The following ATM variants were observed in gnomAD, a reference collection of about 807,000 sequenced individuals.
ATM encodes the protein ATM serine/threonine kinase.
In ATM, 308 loss-of-function variants were observed where a neutral mutation model predicts 387.0. The observed-to-expected ratio is 0.80, with a 90% CI of 0.73 to 0.87. ATM has a LOEUF of 0.87. ATM is among the 40% of genes least tolerant of loss of function. ATM has a pLI of 0.00. For missense variants in ATM, 3,312 were observed against 3,560.9 expected, an observed-to-expected ratio of 0.93 and a Z score of 1.78; for synonymous variants, 1,156 against 1,187.3, an observed-to-expected ratio of 0.97 and a Z score of 0.54.
intron 18 of ATM, among the ~76,000 whole-genome samples, chr11:108,270,416 T>C (rs987011042): frequency 1.3e-5 from 2 of 152,232 alleles, no homozygotes; most frequent in Non-Finnish European, 2.9e-5. Flanking sequence ...TGATCATTTA[T>C]TGAATTCCAC....
At chr11:108,225,540 C>T (rs940880009) in intron 1 of ATM, 1 of 152,184 alleles carries the variant, frequency 6.6e-6, no homozygotes, top group African/African-American at 2.4e-5. Flanking sequence ...ATTGCGTGAT[C>T]TCAGCTAACT....
intron 13 of ATM, among the ~76,000 whole-genome samples, chr11:108,255,627 C>T (rs1276171513): frequency 1.3e-5 from 2 of 151,836 alleles, no homozygotes; most frequent in Non-Finnish European, 2.9e-5. Context: ...GGTTTCACCA[C>T]GTTAGCCAGG....
chr11:108,331,060 T>C, intron 50 of ATM: 1 of 588,884 alleles, frequency 1.7e-6, no homozygotes, highest in Middle Eastern at 8.1e-4. Context: ...TAGTATACAC[T>C]AAATATTACT....
intron 56 of ATM, among the ~76,000 whole-genome samples, chr11:108,336,576 GTGT>G (rs1057514674): frequency 1.3e-5 from 2 of 151,988 alleles, no homozygotes; most frequent in African/African-American, 2.4e-5. Flanking sequence ...ATGGGCATTT[GTGT>G]TGTTTTCAGT....
At chr11:108,337,301 A>C (rs182678288) in intron 56 of ATM, among the ~76,000 whole-genome samples, 136 of 152,348 alleles carry the variant, frequency 8.9e-4, no homozygotes, top group Admixed American at 4.6e-4. Context: ...ACCTTCTGCA[A>C]TAATAACTAA....
Position 108,365,102 on chromosome 11 carries a change from C to T in ATM, c.8871C>T (p.Leu2957=), listed in dbSNP as rs1555151266. The T allele has an allele frequency of 6.2e-7, 1 of 1,614,180 alleles. No homozygotes were observed. Among genetic ancestry groups the T allele is most frequent in the Non-Finnish European group, 8.5e-7 (1 of 1,180,012 alleles). ...TTTAGGTCCTTCTATATGATCCACTCTTTGACTGGACCATGAATCCTTTGA... is the reference window on the plus strand; with the variant it reads ...TTTAGGTCCTTCTATATGATCCACTTTTTGACTGGACCATGAATCCTTTGA... ...TIVEVLLYDP[L]FDWTMNPLKA... The change falls in exon 62 of 63, where the codon CTC becomes CTT. Residue 2957 remains leucine, a synonymous_variant. Transcript: ENST00000675843.
chr11:108,296,381 G>A (rs890380329), intron 32 of ATM, among the ~76,000 whole-genome samples: 9 of 152,040 alleles, frequency 5.9e-5, no homozygotes, highest in African/African-American at 2.2e-4. Context: ...CTCCCAAGGA[G>A]CAGGGATTAC....
In ATM at chr11:108,321,428, A is replaced by G; in HGVS notation, c.6572+8A>G. The G allele has an allele frequency of 6.2e-7, 1 of 1,614,040 alleles. No homozygotes were observed. The highest frequency in any genetic ancestry group is 8.5e-7 in the Non-Finnish European group (1 of 1,179,958). On this transcript the variant is annotated splice_region_variant and intron_variant, in intron 45 of 62. Coordinates refer to ENST00000675843, the MANE Select transcript of ATM (RefSeq NM_000051.4). Reference sequence around the variant, plus strand: ...TGGGGAGCTTTTCTCAAGGTATGTAATTCGTATGACTTTGTTATCCTAAAG... The same window carrying G: ...TGGGGAGCTTTTCTCAAGGTATGTAGTTCGTATGACTTTGTTATCCTAAAG...
intron 26 of ATM, among the ~76,000 whole-genome samples, chr11:108,286,847 TAAGTA>T (rs1017393488): frequency 6.6e-6 from 1 of 152,222 alleles, no homozygotes; most frequent in Non-Finnish European, 1.5e-5. Flanking sequence ...CCTTATGCAT[TAAGTA>T]AATTAGCCAT....
At chr11:108,278,129 T>A (rs2082044142) in intron 22 of ATM, among the ~76,000 whole-genome samples, 1 of 152,206 alleles carries the variant, frequency 6.6e-6, no homozygotes, top group African/African-American at 2.4e-5. Flanking sequence ...AATAAAAGAT[T>A]ACTATATTGT....
intron 46 of ATM, 116 bp from the exon 47 acceptor site, chr11:108,325,942 C>T (rs1469636388): frequency 6.2e-6 from 8 of 1,296,096 alleles, no homozygotes; most frequent in Non-Finnish European, 8.7e-6. Flanking sequence ...AAGATAGTCC[C>T]TGACAAGTAG....
In ATM at chr11:108,345,720, TTATA is replaced by T. The variant is rs1257766623; in HGVS notation, c.8419-17_8419-14del. ...AATTGAACACAATATTGAAAAATAA[TTATA>T]TATATTCTCTATTTAAAGGAGGTGC... On this transcript the variant is annotated intron_variant, in intron 57 of 62. Coordinates refer to ENST00000675843, the MANE Select transcript of ATM (RefSeq NM_000051.4). 6.7e-7 allele frequency: 1 copy of T among 1,498,576 alleles called. No homozygotes were observed. The allele number at this position is 1,498,576 out of a possible 1,614,324, so 92.8% of individuals were successfully genotyped here.
Position 108,330,019 on chromosome 11 carries a change from T to C in ATM, c.7308-195T>C, listed in dbSNP as rs117162326. On this transcript the variant is annotated intron_variant, in intron 49 of 62. Coordinates refer to ENST00000675843, the MANE Select transcript of ATM (RefSeq NM_000051.4). ...CTTGGGGAGAGTCCCCTTTGTCCTT[T>C]GATGCTTAGGAAGGTGTGTGAATTG... Among the ~76,000 whole-genome samples, 1,500 of 152,328 alleles carry C rather than the reference T, an allele frequency of 9.8e-3. 15 individuals carry two copies. The highest frequency in any genetic ancestry group is 0.017 in the Non-Finnish European group (1,130 of 68,022).
At chr11:108,250,668 A>G (rs2135314004) in intron 9 of ATM, 33 bp from the exon 10 acceptor site, 1 of 1,571,340 alleles carries the variant, frequency 6.4e-7, no homozygotes, top group Non-Finnish European at 8.6e-7. Flanking sequence ...GTGATGGAAT[A>G]GTTTTCAAAT....
At chr11:108,314,183 A>C (rs2084409133) in intron 40 of ATM, among the ~76,000 whole-genome samples, 1 of 151,906 alleles carries the variant, frequency 6.6e-6, no homozygotes, top group South Asian at 2.1e-4. Flanking sequence ...TGGTGCAGTC[A>C]TAACACACTG....
Position 108,248,956 on chromosome 11 carries a change from C to T in ATM, c.1089C>T (p.Ser363=), listed in dbSNP as rs1555069567. The T allele has an allele frequency of 2.5e-6, 4 of 1,610,786 alleles. No homozygotes were observed. The highest frequency in any genetic ancestry group is 3.4e-6 in the Non-Finnish European group (4 of 1,177,868). ...AGGTTTTTAATGAAGATACCAGATC[C>T]TTGGAGATTTCTCAATCTTACACTA... ...CHQVFNEDTR[S]LEISQSYTTT... is the part of the protein sequence containing the mutation. The change falls in exon 9 of 63, where the codon TCC becomes TCT. Residue 363 remains serine (S), a synonymous_variant. Coordinates refer to ENST00000675843, the MANE Select transcript of ATM (RefSeq NM_000051.4).
At chr11:108,293,091 T>G (rs564558879) in intron 30 of ATM, among the ~76,000 whole-genome samples, 1 of 152,196 alleles carries the variant, frequency 6.6e-6, no homozygotes, top group South Asian at 2.1e-4. Flanking sequence ...TTCATTAATA[T>G]TGGCATTTTT....
In ATM at chr11:108,282,755, G is replaced by A. The variant is rs2135687848; in HGVS notation, c.3622G>A (p.Asp1208Asn). 1 of 1,613,114 alleles carries A rather than the reference G, an allele frequency of 6.2e-7. No homozygotes were observed. ...SETFGYRRLE[D>N]FMASHLDYLV... ...AACTTTTGGATATAGACGTTTAGAAGACTTTATGGCATCTCATTTAGATTA... is the reference window on the plus strand; with the variant it reads ...AACTTTTGGATATAGACGTTTAGAAAACTTTATGGCATCTCATTTAGATTA... Residue 1208 changes from aspartate to asparagine, a missense_variant, in exon 25 of 63, where the codon GAC becomes AAC. Transcript: ENST00000675843.
chr11:108,285,091 C>T (rs953384595), intron 26 of ATM, among the ~76,000 whole-genome samples: 7 of 152,106 alleles, frequency 4.6e-5, no homozygotes, highest in Admixed American at 4.6e-4. Context: ...ACCCAAGTAG[C>T]TGGGACTACA....
Sources: allele counts gnomAD v4.1 joint callset (sites outside exome capture counted in the v4.1 genomes callset), GRCh38; gene constraint gnomAD v4.1.1; transcripts MANE v1.5; gene names NCBI Gene and HGNC (gene_info 2026-07-23, HGNC 2026-07-21).